The following SRPRB variants were observed in gnomAD, a reference collection of about 807,000 sequenced individuals.
SRPRB encodes the protein signal recognition particle receptor subunit beta.
In SRPRB, 20 loss-of-function variants were observed where a neutral mutation model predicts 31.9. That is an observed-to-expected ratio of 0.63 (90% CI 0.44 to 0.91). The LOEUF (loss-of-function observed/expected upper bound fraction) is 0.91. SRPRB is among the 40% of genes least tolerant of loss of function. The pLI is 0.00. For synonymous variants in SRPRB, 146 were observed against 132.8 expected, an observed-to-expected ratio of 1.10 and a Z score of -0.68; for missense variants, 321 against 324.9, an observed-to-expected ratio of 0.99 and a Z score of 0.09.
intron 1 of SRPRB, among the ~76,000 whole-genome samples, chr3:133,798,447 G>A (rs1488002174): frequency 6.6e-6 from 1 of 152,128 alleles, no homozygotes; most frequent in Non-Finnish European, 1.5e-5. Flanking sequence ...TATACTTAGT[G>A]TATTCTGTTG....
intron 6 of SRPRB, among the ~76,000 whole-genome samples, chr3:133,818,060 G>A (rs896134937): frequency 1.3e-5 from 2 of 152,194 alleles, no homozygotes; most frequent in South Asian, 4.1e-4. Context: ...CTGGAGCTGC[G>A]AGTTTATCAC....
upstream of SRPRB, among the ~76,000 whole-genome samples, chr3:133,802,713 T>C (rs1425443056): frequency 6.6e-6 from 1 of 152,256 alleles, no homozygotes; most frequent in East Asian, 1.9e-4. Context: ...TTCTCCATGA[T>C]TTTAATGACC....
upstream of SRPRB, among the ~76,000 whole-genome samples, chr3:133,800,837 G>C (rs564404319): frequency 2.0e-5 from 3 of 152,164 alleles, no homozygotes; most frequent in Admixed American, 2.0e-4. Context: ...GCCAAGTACT[G>C]TTCAGGGATG....
intron 1 of SRPRB, chr3:133,792,996 G>A (rs1000402282): frequency 2.0e-5 from 3 of 152,106 alleles, no homozygotes; most frequent in East Asian, 1.9e-4. Flanking sequence ...ATGGTCAAAC[G>A]GATTAAGATT....
At chr3:133,803,663 T>A (rs1281450962), upstream of SRPRB, among the ~76,000 whole-genome samples, 4 of 150,894 alleles carry the variant, frequency 2.7e-5, no homozygotes, top group African/African-American at 9.7e-5. Context: ...CCAGTTCCTT[T>A]TTTTTTTTTC....
chr3:133,820,220 T>C lies in SRPRB; in HGVS notation c.*454T>C, dbSNP rs1199094237. 2 of 169,388 alleles carry C rather than the reference T, an allele frequency of 1.2e-5. No homozygotes were observed. The highest frequency in any genetic ancestry group is 2.6e-5 in the Non-Finnish European group (2 of 76,980). The allele number at this position is 169,388 out of a possible 1,614,324, so 10.5% of individuals were successfully genotyped here. ...TCTGAAGTTCACAGGCAATACATTGTCTAGTCCTTTGCGAATTTCTCTGAT... is the reference window on the plus strand; with the variant it reads ...TCTGAAGTTCACAGGCAATACATTGCCTAGTCCTTTGCGAATTTCTCTGAT... On this transcript the variant is annotated 3_prime_UTR_variant, in exon 7 of 7. Coordinates refer to ENST00000678299, the MANE Select transcript of SRPRB (RefSeq NM_001379313.1).
At chr3:133,784,471 A>AAAAAAAAATAATAAT (rs763086171) in intron 1 of SRPRB, 1 of 105,602 alleles carries the variant, frequency 9.5e-6, no homozygotes, top group African/African-American at 3.8e-5. Context: ...TTTGTTAAAA[A>AAAAAAAAATAATAAT]AATAATAATA....
Position 133,819,747 on chromosome 3 carries a change from G to A in SRPRB, c.797G>A (p.Trp266Ter). 1 of 1,614,112 alleles carries A rather than the reference G, an allele frequency of 6.2e-7. No homozygotes were observed. The highest frequency in any genetic ancestry group is 8.5e-7 in the Non-Finnish European group (1 of 1,180,022). Reference sequence around the variant, plus strand: ...GCTGACATCCAGGACTTGGAGAAATGGCTGGCTAAAATTGCCTGAGAGGCA... The same window carrying A: ...GCTGACATCCAGGACTTGGAGAAATAGCTGGCTAAAATTGCCTGAGAGGCA... ...GSADIQDLEK[W>*]LAKIA The change falls in exon 7 of 7, where the codon TGG becomes TAG. Residue 266 changes from tryptophan (W) to a stop codon, truncating the protein, a stop_gained. Transcript: ENST00000678299. LOFTEE classifies it high-confidence loss of function.
intron 1 of SRPRB, chr3:133,788,378 G>A (rs567047252): frequency 1.2e-4 from 18 of 152,316 alleles, no homozygotes; most frequent in African/African-American, 2.2e-4. Flanking sequence ...ATTTAAACCC[G>A]AGAAAATTCT....
chr3:133,822,280 A>G (rs139751780), downstream of SRPRB, among the ~76,000 whole-genome samples: 12 of 151,178 alleles, frequency 7.9e-5, no homozygotes, highest in African/African-American at 2.2e-4. Context: ...GCCTAATGCA[A>G]ATGACCCTGT....
At chr3:133,819,403 T>A (rs1430347140) in intron 6 of SRPRB, 150 bp from the exon 7 acceptor site, 1 of 489,684 alleles carries the variant, frequency 2.0e-6, no homozygotes, top group African/African-American at 2.0e-5. Flanking sequence ...GAGGGACTTA[T>A]AAATGCAAAG....
At chr3:133,822,424 GA>G (rs944261271), downstream of SRPRB, among the ~76,000 whole-genome samples, 1 of 152,216 alleles carries the variant, frequency 6.6e-6, no homozygotes, top group Non-Finnish European at 1.5e-5. Context: ...GGCAGACCCA[GA>G]GGGGTCTAAG....
At position 133,807,598 on chromosome 3, in the gene SRPRB, C is replaced by T. The variant is rs1935185714; in HGVS notation, c.250-148C>T. The T allele has an allele frequency of 1.5e-5, 9 of 602,214 alleles. No individual in the cohort carries two copies. In the South Asian group the frequency reaches 1.9e-4, roughly 12 times the overall value. The allele number at this position is 602,214 out of a possible 1,614,324, so 37.3% of individuals were successfully genotyped here. ...ATGCAATTAATTAGATTTTTTTCTACAGGTAAAAAAAATCAATATCGTCTT... is the reference window on the plus strand; with the variant it reads ...ATGCAATTAATTAGATTTTTTTCTATAGGTAAAAAAAATCAATATCGTCTT... On this transcript the variant is annotated intron_variant, in intron 2 of 6. Transcript: ENST00000678299.
Position 133,819,713 on chromosome 3 carries a change from G to A in SRPRB, c.763G>A (p.Val255Met), listed in dbSNP as rs368791266. Residue 255 changes from valine to methionine, a missense_variant, in exon 7 of 7, where the codon GTG becomes ATG. Transcript: ENST00000678299. ...CAGTGCCAAGGGTGGAAGAGGGGAC[G>A]TGGGCTCTGCTGACATCCAGGACTT... ...ECSAKGGRGD[V>M]GSADIQDLEK... 2.6e-5 allele frequency: 42 copies of A among 1,614,070 alleles called. No individual in the cohort carries two copies. The highest frequency in any genetic ancestry group is 1.5e-4 in the African/African-American group (11 of 74,922).
At chr3:133,810,966 C>T (rs1006651759) in intron 3 of SRPRB, 151 bp from the exon 4 acceptor site, 26 of 672,090 alleles carry the variant, frequency 3.9e-5, no homozygotes, top group Middle Eastern at 3.0e-4. Context: ...ATCCCCAGAA[C>T]GTTGACTAGT....
chr3:133,813,182 G>C (rs943002392), intron 4 of SRPRB, among the ~76,000 whole-genome samples: 22 of 152,140 alleles, frequency 1.4e-4, no homozygotes, highest in Admixed American at 5.9e-4. Context: ...CTTCTATCCA[G>C]GGATAGATTT....
chr3:133,807,641 A>G, intron 2 of SRPRB, 105 bp from the exon 3 acceptor site: 1 of 746,726 alleles, frequency 1.3e-6, no homozygotes, highest in East Asian at 2.7e-5. Context: ...TGTCGGAAGC[A>G]GCATTCATTT....
chr3:133,828,501 C>T, downstream of SRPRB: 1 of 465,706 alleles, frequency 2.1e-6, no homozygotes, highest in South Asian at 2.9e-5. Flanking sequence ...AAATTGTATA[C>T]ACATGATTTA....
rs373238064 is a variant in SRPRB, at chr3:133,815,732, A to G, written c.547+6A>G. ...AATAGCCTGCAATAAGCAAGGTGCC[A>G]TCATGTTTTCTTGCAATAATAATTG... On this transcript the variant is annotated splice_donor_region_variant and intron_variant, in intron 5 of 6. Coordinates refer to ENST00000678299, the MANE Select transcript of SRPRB (RefSeq NM_001379313.1). The G allele has an allele frequency of 2.5e-6, 4 of 1,611,056 alleles. No individual in the cohort carries two copies. The highest frequency in any genetic ancestry group is 2.5e-6 in the Non-Finnish European group (3 of 1,177,982).
Sources: gnomAD v4.1 joint callset for allele counts (sites outside exome capture counted in the v4.1 genomes callset) on GRCh38, gnomAD v4.1.1 for gene constraint, MANE v1.5 for transcripts, NCBI Gene and HGNC (gene_info 2026-07-23, HGNC 2026-07-21) for gene names.